The following DLGAP1 variants were observed in gnomAD, a reference collection of about 807,000 sequenced individuals.
DLGAP1 encodes the protein DLG associated protein 1.
A neutral mutation model predicts 90.8 loss-of-function variants in DLGAP1; 11 were observed. That is an observed-to-expected ratio of 0.12 (90% CI 0.08 to 0.20). DLGAP1 has a LOEUF of 0.20. Ranked by LOEUF, DLGAP1 falls within the 10% of genes least tolerant of loss-of-function variation. The pLI is 1.00. For missense variants in DLGAP1, 1,050 were observed against 1,333.8 expected (o/e 0.79, Z 3.31); for synonymous variants, 558 against 540.7 (o/e 1.03, Z -0.44).
intron 1 of DLGAP1, among the ~76,000 whole-genome samples, chr18:4,305,245 G>A (rs955224398): frequency 6.6e-6 from 1 of 151,152 alleles, no homozygotes; most frequent in Non-Finnish European, 1.5e-5. Flanking sequence ...ACAATAACAT[G>A]AAAAACCAGC....
chr18:3,569,377 G>C (rs2054633620), intron 8 of DLGAP1, among the ~76,000 whole-genome samples: 1 of 151,696 alleles, frequency 6.6e-6, no homozygotes, highest in Non-Finnish European at 1.5e-5. Context: ...TCCCTAATTA[G>C]GCTGTTTTTT....
intron 1 of DLGAP1, among the ~76,000 whole-genome samples, chr18:4,390,568 C>A (rs2082320957): frequency 6.6e-6 from 1 of 152,202 alleles, no homozygotes; most frequent in Non-Finnish European, 1.5e-5. Context: ...AATCCTTTTA[C>A]TATCTCCATT....
chr18:4,376,911 T>C (rs1490430321), intron 1 of DLGAP1, among the ~76,000 whole-genome samples: 1 of 152,172 alleles, frequency 6.6e-6, no homozygotes, highest in Non-Finnish European at 1.5e-5. Flanking sequence ...AAATATAATT[T>C]CCTTGACAAT....
intron 4 of DLGAP1, among the ~76,000 whole-genome samples, chr18:3,844,686 A>G (rs577666632): frequency 7.2e-5 from 11 of 152,318 alleles, no homozygotes; most frequent in Middle Eastern, 3.4e-3. Flanking sequence ...TAAAAATCCA[A>G]TTTTACAAAA....
At position 4,258,342 on chromosome 18, in the gene DLGAP1, C is replaced by T. The variant is rs546276222; in HGVS notation, c.-266-107055G>A. Among the ~76,000 whole-genome samples, 12 of 151,938 alleles carry T rather than the reference C, an allele frequency of 7.9e-5. No individual in the cohort carries two copies. In the South Asian group the frequency reaches 2.5e-3, roughly 32 times the overall value. On this transcript the variant is annotated intron_variant, in intron 1 of 12. Coordinates refer to ENST00000315677, the MANE Select transcript of DLGAP1 (RefSeq NM_004746.4). ...AACAGGCTTGAGCCACCACACCCAG[C>T]CCAGGATGCCTGTTTTCAACATAGC...
intron 5 of DLGAP1, among the ~76,000 whole-genome samples, chr18:3,761,581 T>TC (rs57318116): frequency 1.3e-5 from 2 of 150,858 alleles, no homozygotes; most frequent in South Asian, 2.1e-4. Context: ...TTTCTTTCTT[T>TC]TTTTTTTTTT....
At chr18:3,629,801 G>T (rs1168876227) in intron 7 of DLGAP1, among the ~76,000 whole-genome samples, 1 of 152,182 alleles carries the variant, frequency 6.6e-6, no homozygotes, top group Non-Finnish European at 1.5e-5. Flanking sequence ...AATGAGATGA[G>T]CACTTTTTGC....
At chr18:3,930,591 G>A (rs1386351907) in intron 3 of DLGAP1, among the ~76,000 whole-genome samples, 4 of 152,088 alleles carry the variant, frequency 2.6e-5, no homozygotes, top group African/African-American at 7.2e-5. Flanking sequence ...TACCCTGGAC[G>A]CCACGGCCTG....
At chr18:3,523,301 T>C (rs944840138) in intron 10 of DLGAP1, among the ~76,000 whole-genome samples, 6 of 150,832 alleles carry the variant, frequency 4.0e-5, no homozygotes, top group Non-Finnish European at 8.9e-5. Flanking sequence ...CACTTGAACC[T>C]GGGAGGCAGA....
intron 2 of DLGAP1, among the ~76,000 whole-genome samples, chr18:4,107,734 G>A (rs1044786418): frequency 7.9e-5 from 12 of 152,182 alleles, no homozygotes; most frequent in African/African-American, 2.7e-4. Flanking sequence ...GTAATGAATA[G>A]TAATATTGAA....
chr18:3,582,257 C>T lies in DLGAP1; in HGVS notation c.1592-9G>A, dbSNP rs746326839. The stretch of plus-strand genomic sequence containing the variant: ...TGTAATGCAAGATGACACTGGAAGA[C>T]AGTGAAAACAAAGACAATGTGATTT... On this transcript the variant is annotated splice_polypyrimidine_tract_variant and intron_variant, in intron 7 of 12. Transcript: ENST00000315677. 2.5e-6 allele frequency: 4 copies of T among 1,602,478 alleles called. No homozygotes were observed. Among genetic ancestry groups the T allele is most frequent in the Non-Finnish European group, 3.4e-6 (4 of 1,173,276 alleles).
intron 1 of DLGAP1, among the ~76,000 whole-genome samples, chr18:4,257,910 C>T (rs2078922206): frequency 6.6e-6 from 1 of 151,690 alleles, no homozygotes; most frequent in Non-Finnish European, 1.5e-5. Flanking sequence ...CAGGCGTGAG[C>T]TACTCCGCCC....
chr18:3,621,198 C>A (rs2058085333), intron 7 of DLGAP1, among the ~76,000 whole-genome samples: 1 of 152,162 alleles, frequency 6.6e-6, no homozygotes, highest in South Asian at 2.1e-4. Context: ...ATTATACCTG[C>A]CCTGACATTA....
intron 1 of DLGAP1, among the ~76,000 whole-genome samples, chr18:4,346,650 T>C (rs1408654061): frequency 1.3e-5 from 2 of 152,212 alleles, no homozygotes; most frequent in African/African-American, 4.8e-5. Context: ...ATCTGTCTGA[T>C]CTTCTGGCCT....
chr18:4,385,901 A>G (rs961766106), intron 1 of DLGAP1, among the ~76,000 whole-genome samples: 1 of 152,168 alleles, frequency 6.6e-6, no homozygotes, highest in Non-Finnish European at 1.5e-5. Context: ...TTTGTAGAGA[A>G]TATGAACTTT....
At chr18:3,945,261 T>C (rs1762985748) in intron 3 of DLGAP1, among the ~76,000 whole-genome samples, 1 of 152,220 alleles carries the variant, frequency 6.6e-6, no homozygotes, top group African/African-American at 2.4e-5. Context: ...ACATTACTTA[T>C]CAGAATATCT....
intron 3 of DLGAP1, among the ~76,000 whole-genome samples, chr18:3,953,279 C>T (rs1187141624): frequency 2.6e-5 from 4 of 152,114 alleles, no homozygotes; most frequent in African/African-American, 9.7e-5. Flanking sequence ...ATACCCATCA[C>T]CCAAATAGTG....
intron 7 of DLGAP1, chr18:3,656,095 G>C (rs541809307): frequency 6.5e-7 from 1 of 1,546,442 alleles, no homozygotes; most frequent in African/African-American, 1.4e-5. Flanking sequence ...TTCAACTGCA[G>C]AACTCAGTTT....
At chr18:3,911,871 T>C (rs770613246) in intron 3 of DLGAP1, among the ~76,000 whole-genome samples, 2 of 152,236 alleles carry the variant, frequency 1.3e-5, no homozygotes, top group African/African-American at 4.8e-5. Flanking sequence ...TTACTTAATG[T>C]CAAATTAGCA....
Sources: gnomAD v4.1 joint callset for allele counts (sites outside exome capture counted in the v4.1 genomes callset) on GRCh38, gnomAD v4.1.1 for gene constraint, MANE v1.5 for transcripts, NCBI Gene and HGNC (gene_info 2026-07-23, HGNC 2026-07-21) for gene names.